DYM: variants seen among roughly 807,000 people sequenced by gnomAD.
DYM encodes dyggve-Melchior-Clausen syndrome protein.
Under a neutral mutation model 93.1 loss-of-function variants are expected in DYM, and 78 were observed. The ratio of observed to expected loss-of-function variants is 0.84; its 90% confidence interval spans 0.70 to 1.01. The LOEUF (loss-of-function observed/expected upper bound fraction) is 1.01, where lower values mean the gene tolerates loss of function less well. Ranked by LOEUF, DYM falls within the 50% of genes least tolerant of loss-of-function variation. The pLI, the probability that DYM is intolerant of heterozygous loss-of-function variation, is 0.00. For missense variants in DYM, 789 were observed against 845.0 expected, an observed-to-expected ratio of 0.93 and a Z score of 0.82; for synonymous variants, 321 against 319.7, an observed-to-expected ratio of 1.00 and a Z score of -0.04.
intron 15 of DYM, among the ~76,000 whole-genome samples, chr18:49,152,090 T>C (rs369902013): frequency 2.0e-5 from 3 of 152,324 alleles, no homozygotes; most frequent in South Asian, 4.1e-4. Flanking sequence ...AGAAAGTTAA[T>C]TAATCATTGC....
chr18:49,081,389 A>C (rs1331499438), intron 17 of DYM, among the ~76,000 whole-genome samples: 2 of 151,392 alleles, frequency 1.3e-5, no homozygotes, highest in Admixed American at 6.6e-5. Flanking sequence ...CTGCAATCGC[A>C]GGCACTCAGC....
chr18:49,227,137 T>G (rs888254547), intron 13 of DYM, among the ~76,000 whole-genome samples: 3 of 152,136 alleles, frequency 2.0e-5, no homozygotes, highest in Admixed American at 2.0e-4. Flanking sequence ...TTCAGCACAT[T>G]TTATGATCAT....
At chr18:49,333,593 G>T in intron 7 of DYM, 135 bp downstream of exon 7, 2 of 967,968 alleles carry the variant, frequency 2.1e-6, no homozygotes, top group Non-Finnish European at 3.2e-6. Context: ...CTATGCACTG[G>T]GTTTAAAGAG....
chr18:49,330,638 C>A lies in DYM; in HGVS notation c.763+1226G>T, dbSNP rs1408588432. On this transcript the variant is annotated intron_variant, in intron 8 of 17. Coordinates refer to ENST00000675505, the MANE Select transcript of DYM (RefSeq NM_001353214.3). ...CAGGCTTATACTATCTCTGCCACCC[C>A]AAAAAAACCTCTAACCATATTGGAA... is the stretch of plus-strand genomic sequence containing the variant. Among the ~76,000 whole-genome samples, 12 of 152,072 alleles carry A rather than the reference C, an allele frequency of 7.9e-5. No homozygotes were observed. The East Asian group carries it at 2.1e-3, about 27-fold the overall frequency.
At chr18:49,272,663 GTTAAC>G (rs1490500008) in intron 10 of DYM, among the ~76,000 whole-genome samples, 2 of 152,114 alleles carry the variant, frequency 1.3e-5, no homozygotes, top group African/African-American at 4.8e-5. Flanking sequence ...CTGCTCAGAA[GTTAAC>G]TTTTTAATTT....
At chr18:49,083,461 G>GTT (rs1362726606) in intron 17 of DYM, among the ~76,000 whole-genome samples, 1 of 152,122 alleles carries the variant, frequency 6.6e-6, no homozygotes, top group Non-Finnish European at 1.5e-5. Flanking sequence ...ATACTGGTCT[G>GTT]TTCTTTTCCT....
chr18:49,189,689 A>T (rs2090787096), intron 14 of DYM, among the ~76,000 whole-genome samples: 1 of 152,236 alleles, frequency 6.6e-6, no homozygotes, highest in South Asian at 2.1e-4. Flanking sequence ...CTTTCTGTAG[A>T]ACCACAAATT....
chr18:49,309,317 G>GT (rs2061453385), intron 8 of DYM, among the ~76,000 whole-genome samples: 1 of 152,282 alleles, frequency 6.6e-6, no homozygotes, highest in East Asian at 1.9e-4. Flanking sequence ...TGATTGAAAG[G>GT]TTTTTTGTTT....
intron 14 of DYM, among the ~76,000 whole-genome samples, chr18:49,169,265 A>T (rs937076052): frequency 6.6e-6 from 1 of 152,222 alleles, no homozygotes; most frequent in Non-Finnish European, 1.5e-5. Flanking sequence ...CTGAAGGGAG[A>T]AAGAGGCAAT....
At chr18:49,094,986 T>C (rs1277171073) in intron 17 of DYM, among the ~76,000 whole-genome samples, 5 of 152,228 alleles carry the variant, frequency 3.3e-5, no homozygotes, top group East Asian at 1.9e-4. Context: ...TCAATTAGTA[T>C]ATATTATTCC....
intron 15 of DYM, among the ~76,000 whole-genome samples, chr18:49,154,796 C>T (rs2086210742): frequency 6.6e-6 from 1 of 152,130 alleles, no homozygotes; most frequent in African/African-American, 2.4e-5. Flanking sequence ...AAGATCTACA[C>T]CTACAAAGAA....
At chr18:49,236,487 A>AAAAT (rs1555652861) in intron 13 of DYM, among the ~76,000 whole-genome samples, 34 of 149,194 alleles carry the variant, frequency 2.3e-4, no homozygotes, top group East Asian at 5.9e-4. Flanking sequence ...CTCAAAAAAA[A>AAAAT]AAATAAATAA....
intron 11 of DYM, among the ~76,000 whole-genome samples, chr18:49,260,596 C>T (rs1384357676): frequency 6.6e-6 from 1 of 152,088 alleles, no homozygotes; most frequent in East Asian, 1.9e-4. Flanking sequence ...AAAACATTCT[C>T]GCAAGATTAA....
chr18:49,244,331 A>C (rs565175631), intron 13 of DYM, among the ~76,000 whole-genome samples: 2 of 152,292 alleles, frequency 1.3e-5, no homozygotes, highest in South Asian at 4.1e-4. Context: ...TTCACCCTCA[A>C]ATCTTTTCAG....
At position 49,378,717 on chromosome 18, in the gene DYM, C is replaced by T. The variant is rs1234571171; in HGVS notation, c.288-17G>A. ...AAGATGTGGCTAGAAAGACCAAAAT[C>T]ATACAAGAATCAATATTTAAACATA... is the stretch of plus-strand genomic sequence containing the variant. On this transcript the variant is annotated splice_polypyrimidine_tract_variant and intron_variant, in intron 4 of 17. Coordinates refer to ENST00000675505, the MANE Select transcript of DYM (RefSeq NM_001353214.3). 6.2e-6 allele frequency: 10 copies of T among 1,611,334 alleles called. No individual in the cohort carries two copies. Among genetic ancestry groups the T allele is most frequent in the African/African-American group, 2.7e-5 (2 of 74,856 alleles).
chr18:49,276,962 G>C (rs2094858906), intron 10 of DYM, among the ~76,000 whole-genome samples: 1 of 152,152 alleles, frequency 6.6e-6, no homozygotes. Flanking sequence ...ACATTCCAAA[G>C]ATAATAAGGA....
intron 14 of DYM, among the ~76,000 whole-genome samples, chr18:49,198,559 TG>T (rs2091706095): frequency 2.0e-5 from 3 of 151,906 alleles, no homozygotes. Context: ...CATCAAAAAG[TG>T]GGTGAAGAAC....
chr18:49,356,360 A>G (rs2065562653), intron 6 of DYM, among the ~76,000 whole-genome samples: 2 of 152,206 alleles, frequency 1.3e-5, no homozygotes, highest in African/African-American at 4.8e-5. Context: ...TAAACTTAAT[A>G]CGTAATACTG....
At chr18:49,329,614 C>T (rs368758192) in intron 8 of DYM, 3 of 152,194 alleles carry the variant, frequency 2.0e-5, no homozygotes, top group Non-Finnish European at 2.9e-5. Flanking sequence ...CACTACTCAT[C>T]CAGCCGCAGT....
Sources: gnomAD v4.1 joint callset for allele counts (sites outside exome capture counted in the v4.1 genomes callset) on GRCh38, gnomAD v4.1.1 for gene constraint, MANE v1.5 for transcripts, NCBI Gene and HGNC (gene_info 2026-07-23, HGNC 2026-07-21) for gene names.